Variants in CDHR4 observed in about 807,000 individuals in gnomAD.
CDHR4 encodes cadherin-related family member 4.
In CDHR4, 89 loss-of-function variants were observed where a neutral mutation model predicts 88.4. The observed-to-expected ratio is 1.01, with a 90% CI of 0.85 to 1.20. The LOEUF (loss-of-function observed/expected upper bound fraction) is 1.20, where lower values mean the gene tolerates loss of function less well. CDHR4 is among the 50% of genes most tolerant of loss of function. The pLI is 0.00. For synonymous variants in CDHR4, 368 were observed against 399.2 expected (o/e 0.92, Z 0.93); for missense variants, 914 against 1,007.2 (o/e 0.91, Z 1.25).
intron 10 of CDHR4, among the ~76,000 whole-genome samples, chr3:49,794,340 G>A (rs1004749257): frequency 3.3e-5 from 5 of 151,958 alleles, no homozygotes; most frequent in Admixed American, 3.3e-4. Context: ...AGAGCTTGCA[G>A]TGAGCCAGGA....
Position 49,792,571 on chromosome 3 carries a change from C to CT in CDHR4, c.2034dup (p.Glu679ArgfsTer59). 1.3e-6 allele frequency: 2 copies of CT among 1,551,700 alleles called. No individual in the cohort carries two copies. The highest frequency in any genetic ancestry group is 2.7e-5 in the African/African-American group (2 of 73,162). On this transcript the variant is annotated frameshift_variant, in exon 15 of 19. Coordinates refer to ENST00000412678, the MANE Select transcript of CDHR4 (RefSeq NM_001007540.4). LOFTEE classifies it high-confidence loss of function. ...CAGGGCTGTGGCTGCCAGAAAGCCT[C>CT]TGTGTCTGTCACGAGCATGGGTGTC...
chr3:49,793,719 T>G lies in CDHR4; in HGVS notation c.1487A>C (p.Glu496Ala). 2 of 1,551,604 alleles carry G rather than the reference T, an allele frequency of 1.3e-6. No homozygotes were observed. The highest frequency in any genetic ancestry group is 1.7e-6 in the Non-Finnish European group (2 of 1,146,964). Reference sequence around the variant, plus strand: ...GTCCAAAGGTCCCAGGAGGTGAACTTCCCCTAGAGGGGGAGACCACAGCTT... The same window carrying G: ...GTCCAAAGGTCCCAGGAGGTGAACTGCCCCTAGAGGGGGAGACCACAGCTT... Reference protein sequence around the residue: ...TTFAVDRLSGEVHLLGPLDYE... With the variant: ...TTFAVDRLSGAVHLLGPLDYE... Residue 496 changes from glutamate (E) to alanine (A), a missense_variant, in exon 12 of 19, where the codon GAA becomes GCA. Transcript: ENST00000412678.
chr3:49,794,580 G>A (rs1178681273), intron 10 of CDHR4, 28 bp downstream of exon 10: 1 of 1,525,896 alleles, frequency 6.6e-7, no homozygotes, highest in Admixed American at 2.0e-5. Flanking sequence ...CCTTGTCCTG[G>A]GTGTCCAGGC....
chr3:49,793,841 G>C lies in CDHR4; in HGVS notation c.1445C>G (p.Ser482Cys), dbSNP rs2081222379. Residue 482 changes from serine to cysteine, a missense_variant, in exon 11 of 19, where the codon TCT becomes TGT. Physicochemically the swap from Ser to Cys is moderately radical, Grantham distance 112. Transcript: ENST00000412678. ...CACAGCAAAGGTGGTAGGACCACCA[G>C]AGGTGTAGTACTCAATGTTGTCATG... The part of the protein sequence containing the change: ...YPHDNIEYYT[S>C]GGPTTFAVDR... 1 of 1,551,782 alleles carries C rather than the reference G, an allele frequency of 6.4e-7. No individual in the cohort carries two copies. Among genetic ancestry groups the C allele is most frequent in the Non-Finnish European group, 8.7e-7 (1 of 1,146,998 alleles).
At chr3:49,794,776 C>T in intron 9 of CDHR4, 75 bp from the exon 10 acceptor site, 2 of 1,434,676 alleles carry the variant, frequency 1.4e-6, no homozygotes, top group South Asian at 1.3e-5. Flanking sequence ...CTGCTGTAGG[C>T]CAGGGCATCC....
rs1559724792 is a variant in CDHR4, at chr3:49,793,664, A to G, written c.1542T>C (p.Thr514=). ...CTTGGCCATGGTCAATCACAAGGACAGTGAGCCTGTACAGCCTCTGCTGCT... is the reference window on the plus strand; with the variant it reads ...CTTGGCCATGGTCAATCACAAGGACGGTGAGCCTGTACAGCCTCTGCTGCT... The part of the protein sequence containing the change: ...DYEQQRLYRL[T]VLVIDHGQDQ... The change falls in exon 12 of 19, where the codon ACT becomes ACC. Residue 514 remains threonine, a synonymous_variant. Transcript: ENST00000412678. 11 of 1,551,788 alleles carry G rather than the reference A, an allele frequency of 7.1e-6. No individual in the cohort carries two copies. Among genetic ancestry groups the G allele is most frequent in the Non-Finnish European group, 9.6e-6 (11 of 1,147,010 alleles).
Position 49,791,478 on chromosome 3 carries a change from G to GA in CDHR4, c.2284-11dup, listed in dbSNP as rs577730415. 0.027 allele frequency: 31,667 copies of GA among 1,194,902 alleles called. 14 individuals carry two copies. The highest frequency in any genetic ancestry group is 0.045 in the South Asian group (3,030 of 68,040). The allele number at this position is 1,194,902 out of a possible 1,614,324, so 74.0% of individuals were successfully genotyped here. On this transcript the variant is annotated splice_polypyrimidine_tract_variant and intron_variant, in intron 17 of 18. Transcript: ENST00000412678. ...CTCTGCCATCAAAATGCTGCTGAGG[G>GA]AAAAAAAAAAAAGATGCAATGAATT...
chr3:49,800,410 C>G (rs1251458095), upstream of CDHR4, among the ~76,000 whole-genome samples: 1 of 151,716 alleles, frequency 6.6e-6, no homozygotes, highest in Non-Finnish European at 1.5e-5. Context: ...CCCAGCTACT[C>G]TGGAGGCTGA....
rs1348868211 is a variant in CDHR4, at chr3:49,793,297, A to T, written c.1638T>A (p.His546Gln). 2 of 1,551,536 alleles carry T rather than the reference A, an allele frequency of 1.3e-6. No homozygotes were observed. The highest frequency in any genetic ancestry group is 1.7e-6 in the Non-Finnish European group (2 of 1,146,984). ...GAAATGGGGGCTCACACTCGGGGGC[A>T]TGGTCATTCACATCCTGCAGAAAGG... ...ITIEVEDVND[H>Q]APECEPPFQE... The change falls in exon 13 of 19, where the codon CAT becomes CAA. Residue 546 changes from histidine to glutamine, a missense_variant. Transcript: ENST00000412678.
At chr3:49,802,644 C>T (rs1287254956), upstream of CDHR4, among the ~76,000 whole-genome samples, 1 of 152,228 alleles carries the variant, frequency 6.6e-6, no homozygotes, top group Non-Finnish European at 1.5e-5. Flanking sequence ...GCAGCCTCAG[C>T]ACCGACCCTC....
At chr3:49,791,664 A>G (rs1345127879) in intron 17 of CDHR4, 50 bp downstream of exon 17, 1 of 1,541,636 alleles carries the variant, frequency 6.5e-7, no homozygotes, top group Non-Finnish European at 8.8e-7. Context: ...GCAGGGGAGT[A>G]CTCTGAAGCA....
At chr3:49,798,973 G>T in intron 3 of CDHR4, 21 bp downstream of exon 3, 2 of 1,610,796 alleles carry the variant, frequency 1.2e-6, no homozygotes, top group South Asian at 2.2e-5. Context: ...CCCCCACCCT[G>T]CCGGCTGCCC....
rs1251407223 is a variant in CDHR4 at position 49,793,150 on chromosome 3, A to G, written c.1774+11T>C. ...CCTCACTCACAACCTGGTGGTGCCC[A>G]TGTCCCCTACCTCCCACGATGCTAT... is the stretch of plus-strand genomic sequence containing the variant. On this transcript the variant is annotated intron_variant, in intron 13 of 18. Coordinates refer to ENST00000412678, the MANE Select transcript of CDHR4 (RefSeq NM_001007540.4). 3 of 1,551,284 alleles carry G rather than the reference A, an allele frequency of 1.9e-6. No homozygotes were observed. In the Admixed American group the frequency reaches 5.9e-5, roughly 30 times the overall value.
upstream of CDHR4, among the ~76,000 whole-genome samples, chr3:49,800,139 G>A (rs2081341023): frequency 6.6e-6 from 1 of 152,096 alleles, no homozygotes; most frequent in Non-Finnish European, 1.5e-5. Context: ...ATTTGGCCCA[G>A]GACCTGCTAC....
Position 49,793,184 on chromosome 3 carries a change from A to C in CDHR4, c.1751T>G (p.Ile584Ser). 6.4e-7 allele frequency: 1 copy of C among 1,551,690 alleles called. No homozygotes were observed. The highest frequency in any genetic ancestry group is 8.7e-7 in the Non-Finnish European group (1 of 1,146,990). ...ACCTCCCACGATGCTATAGGAGTAGATCAGGCGCTGTGGCTCCTGAGGGAT... is the reference window on the plus strand; with the variant it reads ...ACCTCCCACGATGCTATAGGAGTAGCTCAGGCGCTGTGGCTCCTGAGGGAT... ...CQIPQEPQRLIYSYSIVGGNS... is the reference protein window; with the variant it reads ...CQIPQEPQRLSYSYSIVGGNS... Residue 584 changes from isoleucine to serine, a missense_variant, in exon 13 of 19, where the codon ATC becomes AGC. By Grantham distance (142) the Ile-to-Ser change is moderately radical. Transcript: ENST00000412678.
intron 13 of CDHR4, 23 bp downstream of exon 13, chr3:49,793,138 C>G: frequency 6.4e-7 from 1 of 1,551,116 alleles, no homozygotes; most frequent in Non-Finnish European, 8.7e-7. Context: ...CACTCACAAC[C>G]TGGTGGTGCC....
At chr3:49,798,696 T>C in intron 4 of CDHR4, 130 bp downstream of exon 4, 2 of 801,146 alleles carry the variant, frequency 2.5e-6, no homozygotes, top group Non-Finnish European at 4.0e-6. Flanking sequence ...ACATACATCA[T>C]GTAGAGGCTC....
Position 49,796,911 on chromosome 3 carries a change from G to A in CDHR4, c.606+11C>T, listed in dbSNP as rs1352106516. On this transcript the variant is annotated intron_variant, in intron 5 of 18. Transcript: ENST00000412678. ...ATCCATAAACACCCTCAGATTCCAG[G>A]TCATGCTCACCTTTTGAGCCTGGCC... The A allele has an allele frequency of 6.5e-7, 1 of 1,547,374 alleles. No homozygotes were observed. The highest frequency in any genetic ancestry group is 2.0e-5 in the Admixed American group (1 of 50,982).
At chr3:49,790,930 G>T in intron 18 of CDHR4, 43 bp from the exon 19 acceptor site, 2 of 1,481,528 alleles carry the variant, frequency 1.3e-6, no homozygotes, top group African/African-American at 1.4e-5. Flanking sequence ...GGTGCTGCTG[G>T]CCCCAGAAGA....
Sources: gnomAD v4.1 joint callset for allele counts (sites outside exome capture counted in the v4.1 genomes callset) on GRCh38, gnomAD v4.1.1 for gene constraint, MANE v1.5 for transcripts, NCBI Gene and HGNC (gene_info 2026-07-23, HGNC 2026-07-21) for gene names.